Variants in DCDC1 observed in about 807,000 individuals in gnomAD.
DCDC1 encodes doublecortin domain containing 1.
A neutral mutation model predicts 178.3 loss-of-function variants in DCDC1; 200 were observed. That is an observed-to-expected ratio of 1.12 (90% CI 1.00 to 1.26). The LOEUF (loss-of-function observed/expected upper bound fraction) is 1.26, where lower values mean the gene tolerates loss of function less well. Among genes scored for constraint, DCDC1 ranks in the 50% most tolerant of loss-of-function variants. DCDC1 has a pLI of 0.00. For synonymous variants in DCDC1, 690 were observed against 604.8 expected, an observed-to-expected ratio of 1.14 and a Z score of -2.07; for missense variants, 1,983 against 1,749.2, an observed-to-expected ratio of 1.13 and a Z score of -2.38.
Position 31,238,661 on chromosome 11 carries a change from C to T in DCDC1, c.1221+2789G>A, listed in dbSNP as rs77910077. The stretch of plus-strand genomic sequence containing the variant: ...TGCTAATGAGATGGAACGGCCCTGT[C>T]GCTGAAAGTGTTAACTACATTTCAT... On this transcript the variant is annotated intron_variant, in intron 9 of 38. Transcript: ENST00000684477. Among the ~76,000 whole-genome samples the T allele has an allele frequency of 3.3e-5, 5 of 152,174 alleles. No homozygotes were observed. The East Asian group carries it at 5.8e-4, about 18-fold the overall frequency.
chr11:30,943,420 T>C (rs1186187350), intron 21 of DCDC1: 1 of 261,666 alleles, frequency 3.8e-6, no homozygotes, highest in Non-Finnish European at 7.6e-6. Flanking sequence ...AGTAATAAAC[T>C]TTTAGCTTTG....
intron 20 of DCDC1, among the ~76,000 whole-genome samples, chr11:31,005,416 C>T (rs1951783412): frequency 6.6e-6 from 1 of 152,184 alleles, no homozygotes; most frequent in East Asian, 1.9e-4. Context: ...CAGTGAACCA[C>T]AGAGCTCTAC....
At chr11:31,341,429 A>AGATAGATG (rs3059722) in intron 1 of DCDC1, among the ~76,000 whole-genome samples, 2 of 151,918 alleles carry the variant, frequency 1.3e-5, no homozygotes, top group Non-Finnish European at 2.9e-5. Flanking sequence ...ATAGATAGAT[A>AGATAGATG]GATAGATAGA....
intron 9 of DCDC1, among the ~76,000 whole-genome samples, chr11:31,159,227 A>G (rs1966064091): frequency 6.6e-6 from 1 of 152,194 alleles, no homozygotes; most frequent in Non-Finnish European, 1.5e-5. Flanking sequence ...CACATTCCAG[A>G]AACAAAAGTC....
intron 9 of DCDC1, among the ~76,000 whole-genome samples, chr11:31,240,540 C>T (rs1436828220): frequency 2.6e-5 from 4 of 151,962 alleles, no homozygotes; most frequent in African/African-American, 9.7e-5. Flanking sequence ...ATAGCCCATT[C>T]CCACCTCCCC....
chr11:31,248,665 A>T (rs1197298439), intron 8 of DCDC1, among the ~76,000 whole-genome samples: 1 of 152,120 alleles, frequency 6.6e-6, no homozygotes, highest in Non-Finnish European at 1.5e-5. Context: ...ATATGTCAAG[A>T]GAGATTTATA....
chr11:31,323,299 C>G (rs902197491), intron 3 of DCDC1, among the ~76,000 whole-genome samples: 1 of 152,190 alleles, frequency 6.6e-6, no homozygotes, highest in Non-Finnish European at 1.5e-5. Flanking sequence ...AATTCAACAG[C>G]AGGATAATGA....
At chr11:30,943,819 T>C in intron 21 of DCDC1, 2 of 321,362 alleles carry the variant, frequency 6.2e-6, no homozygotes, top group South Asian at 5.4e-5. Context: ...GTATGAATAA[T>C]ATTTAAAAGT....
At chr11:31,038,314 G>A (rs1030523749) in intron 20 of DCDC1, among the ~76,000 whole-genome samples, 6 of 152,122 alleles carry the variant, frequency 3.9e-5, no homozygotes, top group Non-Finnish European at 8.8e-5. Context: ...GAGTATTTGT[G>A]AATTTTTTTC....
chr11:30,953,908 G>C (rs373041577), intron 20 of DCDC1, among the ~76,000 whole-genome samples: 3 of 143,990 alleles, frequency 2.1e-5, no homozygotes, highest in African/African-American at 7.7e-5. Context: ...AAGAATGTAA[G>C]ACAAACCAAA....
rs1565071933 is a variant in DCDC1, at chr11:30,917,084, A to AT, written c.3294-57dup. On this transcript the variant is annotated intron_variant, in intron 25 of 38. Coordinates refer to ENST00000684477, the MANE Select transcript of DCDC1 (RefSeq NM_001387274.1). ...AAGAAATCTCATTCGTGTTCACAGA[A>AT]TTTTTTTCTGAGGTGTAGTCTGATC... 2.2e-5 allele frequency: 34 copies of AT among 1,524,200 alleles called. No homozygotes were observed. In the South Asian group the frequency reaches 4.1e-4, roughly 18 times the overall value. 94.4% of individuals were successfully genotyped at this position (1,524,200 alleles called of 1,614,324 possible). A position where few individuals can be genotyped will look rare whatever the true frequency, so the allele number is the denominator to read the frequency against.
At chr11:31,208,546 C>T (rs1972128762) in intron 9 of DCDC1, among the ~76,000 whole-genome samples, 1 of 152,176 alleles carries the variant, frequency 6.6e-6, no homozygotes, top group Non-Finnish European at 1.5e-5. Context: ...TCAGCATTAT[C>T]TTTCTCAAGC....
intron 20 of DCDC1, among the ~76,000 whole-genome samples, chr11:31,044,988 A>G (rs922232905): frequency 6.6e-6 from 1 of 152,028 alleles, no homozygotes; most frequent in Admixed American, 6.6e-5. Context: ...GAGAGATGTT[A>G]TTATACTTTT....
At chr11:30,918,939 T>A (rs1168927705) in intron 25 of DCDC1, among the ~76,000 whole-genome samples, 3 of 152,078 alleles carry the variant, frequency 2.0e-5, no homozygotes, top group African/African-American at 7.2e-5. Flanking sequence ...AAAAAAGCAA[T>A]CAAAAAGGAT....
chr11:31,218,970 T>C (rs990035509), intron 9 of DCDC1, among the ~76,000 whole-genome samples: 12 of 152,160 alleles, frequency 7.9e-5, no homozygotes, highest in African/African-American at 2.7e-4. Context: ...CTGATTCTCA[T>C]GCATGGCTTG....
At chr11:31,175,573 G>T (rs1325810021) in intron 9 of DCDC1, among the ~76,000 whole-genome samples, 1 of 152,188 alleles carries the variant, frequency 6.6e-6, no homozygotes, top group African/African-American at 2.4e-5. Flanking sequence ...GACCACCACA[G>T]GGCTGCTCAG....
chr11:30,864,955 A>ATTTATTT lies in DCDC1; in HGVS notation c.*411_*417dup, dbSNP rs532614259. ...AAAACTGAGTTATTTTGAAGGATAA[A>ATTTATTT]TTTATTTTTTATTTTTTATTTTTTG... On this transcript the variant is annotated 3_prime_UTR_variant, in exon 39 of 39. Transcript: ENST00000684477. 2 of 152,096 alleles carry ATTTATTT rather than the reference A, an allele frequency of 1.3e-5. No homozygotes were observed. Among genetic ancestry groups the ATTTATTT allele is most frequent in the Non-Finnish European group, 2.9e-5 (2 of 68,000 alleles). 9.4% of individuals were successfully genotyped at this position (152,096 alleles called of 1,614,324 possible).
intron 20 of DCDC1, among the ~76,000 whole-genome samples, chr11:31,029,674 A>C (rs1375593360): frequency 6.6e-6 from 1 of 152,166 alleles, no homozygotes; most frequent in African/African-American, 2.4e-5. Context: ...TATTCACATC[A>C]AATCAAGTCT....
At chr11:31,180,526 G>T (rs1358397522) in intron 9 of DCDC1, among the ~76,000 whole-genome samples, 6 of 152,132 alleles carry the variant, frequency 3.9e-5, no homozygotes, top group Non-Finnish European at 8.8e-5. Context: ...GGACGGGTTA[G>T]ACAGTGGGAG....
Sources: allele counts gnomAD v4.1 joint callset (sites outside exome capture counted in the v4.1 genomes callset), GRCh38; gene constraint gnomAD v4.1.1; transcripts MANE v1.5; gene names NCBI Gene and HGNC (gene_info 2026-07-23, HGNC 2026-07-21).